COL25A1: variants seen among roughly 807,000 people sequenced by gnomAD.
COL25A1 encodes collagen alpha-1(XXV) chain.
COL25A1 carries 103 observed loss-of-function variants against 128.4 expected under a neutral mutation model. The ratio of observed to expected loss-of-function variants is 0.80; its 90% CI spans 0.68 to 0.94. COL25A1 has a LOEUF of 0.94. Ranked by LOEUF, COL25A1 falls within the 40% of genes least tolerant of loss-of-function variation. COL25A1 has a pLI of 0.00. For missense variants in COL25A1, 745 were observed against 840.0 expected (o/e 0.89, Z 1.40); for synonymous variants, 279 against 277.2 (o/e 1.01, Z -0.06).
intron 3 of COL25A1, among the ~76,000 whole-genome samples, chr4:109,182,829 T>G (rs1774790363): frequency 6.6e-6 from 1 of 152,028 alleles, no homozygotes; most frequent in South Asian, 2.1e-4. Context: ...TAGGATAAAT[T>G]ACACTTGCAG....
intron 8 of COL25A1, among the ~76,000 whole-genome samples, chr4:108,953,656 T>G (rs775266956): frequency 6.6e-6 from 1 of 152,154 alleles, no homozygotes; most frequent in Non-Finnish European, 1.5e-5. Context: ...AGACCTAGTG[T>G]GGCTACATCT....
chr4:108,929,312 C>T (rs1020387741), intron 11 of COL25A1, among the ~76,000 whole-genome samples: 1 of 151,120 alleles, frequency 6.6e-6, no homozygotes, highest in South Asian at 2.1e-4. Context: ...TTAGTAGAGA[C>T]AGGGTTTCAC....
chr4:108,903,961 G>T (rs558373441), intron 13 of COL25A1, among the ~76,000 whole-genome samples: 5 of 152,188 alleles, frequency 3.3e-5, no homozygotes, highest in Non-Finnish European at 5.9e-5. Flanking sequence ...CAGCTGAAAA[G>T]TGAATAAAGC....
chr4:108,932,622 A>T (rs1746884623), intron 11 of COL25A1, among the ~76,000 whole-genome samples: 1 of 152,178 alleles, frequency 6.6e-6, no homozygotes, highest in Non-Finnish European at 1.5e-5. Flanking sequence ...GGTTTTTGAA[A>T]CCTTGGATAT....
chr4:109,218,357 G>GTTTTTTTTTTTTTTTTTTTTTT (rs34056401), intron 3 of COL25A1, among the ~76,000 whole-genome samples: 296 of 73,596 alleles, frequency 4.0e-3, no homozygotes, highest in East Asian at 6.1e-3. Context: ...GTTTTTTGGG[G>GTTTTTTTTTTTTTTTTTTTTTT]TTTTTTTTTT....
At chr4:108,971,871 T>A (rs1751946597) in intron 8 of COL25A1, among the ~76,000 whole-genome samples, 1 of 152,174 alleles carries the variant, frequency 6.6e-6, no homozygotes, top group Non-Finnish European at 1.5e-5. Context: ...AAGAGAGAGA[T>A]AAGTGGACAC....
At chr4:108,833,759 T>C (rs908812378) in intron 31 of COL25A1, among the ~76,000 whole-genome samples, 6 of 152,204 alleles carry the variant, frequency 3.9e-5, no homozygotes, top group African/African-American at 1.4e-4. Context: ...TCTTACTGCC[T>C]GAATTCAAAG....
chr4:109,286,742 A>C (rs748260342), intron 3 of COL25A1, among the ~76,000 whole-genome samples: 14 of 152,102 alleles, frequency 9.2e-5, no homozygotes, highest in Non-Finnish European at 1.3e-4. Flanking sequence ...ACCAACCCAA[A>C]ATATCAATAA....
At chr4:108,872,932 G>A (rs1359295712) in intron 19 of COL25A1, among the ~76,000 whole-genome samples, 2 of 150,394 alleles carry the variant, frequency 1.3e-5, no homozygotes, top group East Asian at 2.0e-4. Context: ...CTCACTCTGT[G>A]CCCAGGCTGA....
At chr4:109,183,131 T>C (rs961176142) in intron 3 of COL25A1, among the ~76,000 whole-genome samples, 1 of 152,058 alleles carries the variant, frequency 6.6e-6, no homozygotes. Context: ...CTCAGTAATA[T>C]AGTGTCAGAG....
chr4:109,201,498 G>A (rs1776558590), intron 3 of COL25A1, among the ~76,000 whole-genome samples: 1 of 152,060 alleles, frequency 6.6e-6, no homozygotes, highest in African/African-American at 2.4e-5. Flanking sequence ...CTCAACCAGA[G>A]AAAAAACACC....
intron 19 of COL25A1, among the ~76,000 whole-genome samples, chr4:108,880,506 T>G (rs6855950): frequency 0.54 from 82,012 of 152,084 alleles, 23,395 homozygotes; most frequent in East Asian, 0.93. Flanking sequence ...TAACCAATGT[T>G]TCCAATATTT....
At chr4:109,223,510 T>C (rs570773438) in intron 3 of COL25A1, among the ~76,000 whole-genome samples, 75 of 152,216 alleles carry the variant, frequency 4.9e-4, no homozygotes, top group Middle Eastern at 3.4e-3. Flanking sequence ...GGACAGCTGC[T>C]AGCAGCTGGC....
rs1217549452 is a variant in COL25A1 at position 109,301,928 on chromosome 4, A to G, written c.92T>C (p.Met31Thr). 1.9e-6 allele frequency: 3 copies of G among 1,613,890 alleles called. No homozygotes were observed. The highest frequency in any genetic ancestry group is 1.7e-6 in the Non-Finnish European group (2 of 1,180,044). ...GGCCGCCAGGACGGCACACGGGGGC[A>G]TGGTCCGGGCACAATGCTGTTCGGC... ...TPAEQHCART[M>T]PPCAVLAALL... The change falls in exon 2 of 38, where the codon ATG becomes ACG. Residue 31 changes from methionine (M) to threonine (T), a missense_variant. Met to Thr is a moderately conservative substitution (Grantham distance 81). Transcript: ENST00000399132.
At chr4:108,945,773 C>T (rs1748663694) in intron 8 of COL25A1, among the ~76,000 whole-genome samples, 1 of 152,138 alleles carries the variant, frequency 6.6e-6, no homozygotes. Context: ...AAGCAATTCT[C>T]CTGCCTCAGC....
intron 3 of COL25A1, among the ~76,000 whole-genome samples, chr4:109,072,494 T>A (rs948912396): frequency 3.3e-5 from 5 of 152,192 alleles, no homozygotes; most frequent in Non-Finnish European, 7.3e-5. Context: ...TTCTTTCTCA[T>A]GTAAAATGTA....
intron 3 of COL25A1, among the ~76,000 whole-genome samples, chr4:109,103,622 T>C (rs150456957): frequency 3.3e-5 from 5 of 152,300 alleles, no homozygotes; most frequent in Non-Finnish European, 7.3e-5. Flanking sequence ...AATTGTGGTA[T>C]TGAAATGCCA....
chr4:109,274,494 G>A (rs906995155), intron 3 of COL25A1, among the ~76,000 whole-genome samples: 1 of 152,148 alleles, frequency 6.6e-6, no homozygotes, highest in Admixed American at 6.5e-5. Flanking sequence ...AGCTAATAAA[G>A]AGTCTTCCAT....
intron 3 of COL25A1, among the ~76,000 whole-genome samples, chr4:109,060,186 G>C (rs981286821): frequency 6.6e-6 from 1 of 152,178 alleles, no homozygotes; most frequent in African/African-American, 2.4e-5. Flanking sequence ...TACCTGTGAG[G>C]TACTGAGCAC....
Sources: allele counts gnomAD v4.1 joint callset (sites outside exome capture counted in the v4.1 genomes callset), GRCh38; gene constraint gnomAD v4.1.1; transcripts MANE v1.5; gene names NCBI Gene and HGNC (gene_info 2026-07-23, HGNC 2026-07-21).